Variants in MYO1D observed in about 807,000 individuals in gnomAD.
The protein encoded by MYO1D is myosin ID.
MYO1D carries 83 observed loss-of-function variants against 122.0 expected under a neutral mutation model. The observed-to-expected ratio is 0.68, with a 90% CI of 0.57 to 0.82. MYO1D has a LOEUF of 0.82. MYO1D is among the 40% of genes least tolerant of loss of function. The pLI is 0.00. For synonymous variants in MYO1D, 464 were observed against 446.9 expected (o/e 1.04, Z -0.48); for missense variants, 1,157 against 1,269.5 (o/e 0.91, Z 1.35).
chr17:32,548,865 C>T (rs2086987400), intron 21 of MYO1D, among the ~76,000 whole-genome samples: 1 of 151,928 alleles, frequency 6.6e-6, no homozygotes, highest in East Asian at 1.9e-4. Flanking sequence ...AGGTGTGCAC[C>T]ACCGCGCCTA....
At chr17:32,711,662 G>T (rs1408393000) in intron 16 of MYO1D, among the ~76,000 whole-genome samples, 1 of 151,958 alleles carries the variant, frequency 6.6e-6, no homozygotes, top group Non-Finnish European at 1.5e-5. Flanking sequence ...GAAAAAAAAA[G>T]TCCTTTATGC....
chr17:32,782,934 TA>T (rs5819996), intron 1 of MYO1D, among the ~76,000 whole-genome samples: 55 of 147,140 alleles, frequency 3.7e-4, no homozygotes, highest in South Asian at 6.5e-4. Context: ...GACTCCATCT[TA>T]AAAAAAAAAA....
intron 16 of MYO1D, among the ~76,000 whole-genome samples, chr17:32,677,035 C>T (rs1344541078): frequency 6.6e-6 from 1 of 152,094 alleles, no homozygotes; most frequent in Non-Finnish European, 1.5e-5. Context: ...TGGTCTTGAT[C>T]TCCTGACTTC....
chr17:32,563,204 CTCT>C (rs1354920854), intron 21 of MYO1D, among the ~76,000 whole-genome samples: 5 of 105,134 alleles, frequency 4.8e-5, no homozygotes, highest in Admixed American at 1.0e-4. Flanking sequence ...TTTTTCTTCT[CTCT>C]TTTTTTTTTT....
chr17:32,548,448 A>G (rs225201), intron 21 of MYO1D, among the ~76,000 whole-genome samples: 100,019 of 150,058 alleles, frequency 0.67, 34,317 homozygotes, highest in African/African-American at 0.83. Context: ...AAAAAAGTTT[A>G]TCCTCTAGGA....
chr17:32,665,195 T>A (rs933421993), intron 16 of MYO1D, among the ~76,000 whole-genome samples: 3 of 152,096 alleles, frequency 2.0e-5, no homozygotes, highest in African/African-American at 7.2e-5. Context: ...TCAACTTGTC[T>A]CCACCTCCCC....
At chr17:32,552,979 A>G (rs2087031858) in intron 21 of MYO1D, among the ~76,000 whole-genome samples, 1 of 151,774 alleles carries the variant, frequency 6.6e-6, no homozygotes, top group African/African-American at 2.4e-5. Context: ...ACTCACGCCC[A>G]TAATCCCAGC....
intron 21 of MYO1D, among the ~76,000 whole-genome samples, chr17:32,541,785 C>A (rs1447937647): frequency 1.3e-5 from 2 of 152,150 alleles, no homozygotes; most frequent in African/African-American, 4.8e-5. Flanking sequence ...TAGGACTAGG[C>A]CCCTGCCTAT....
intron 16 of MYO1D, among the ~76,000 whole-genome samples, chr17:32,677,903 C>CTT (rs1216987807): frequency 6.6e-6 from 1 of 152,056 alleles, no homozygotes; most frequent in East Asian, 1.9e-4. Context: ...TCTCAACTGG[C>CTT]TTATGATCAA....
intron 16 of MYO1D, among the ~76,000 whole-genome samples, chr17:32,701,936 T>A (rs2089253479): frequency 6.6e-6 from 1 of 152,226 alleles, no homozygotes; most frequent in Non-Finnish European, 1.5e-5. Context: ...CAAATGTATC[T>A]ATGTCAACCA....
At chr17:32,733,170 G>A (rs866319795) in intron 14 of MYO1D, among the ~76,000 whole-genome samples, 13 of 152,310 alleles carry the variant, frequency 8.5e-5, no homozygotes, top group Middle Eastern at 6.8e-3. Context: ...TGCAGCCTGC[G>A]AGGCTGAGTA....
chr17:32,655,495 C>G (rs1207079266), intron 17 of MYO1D, among the ~76,000 whole-genome samples: 1 of 152,042 alleles, frequency 6.6e-6, no homozygotes, highest in Non-Finnish European at 1.5e-5. Context: ...TGGGCAGGCA[C>G]CACTGATAAG....
intron 16 of MYO1D, among the ~76,000 whole-genome samples, chr17:32,675,978 C>T (rs1246055130): frequency 6.6e-6 from 1 of 152,134 alleles, no homozygotes; most frequent in Non-Finnish European, 1.5e-5. Flanking sequence ...TGATGTGATT[C>T]TAAGCATCCT....
intron 10 of MYO1D, chr17:32,759,866 T>G: frequency 2.3e-6 from 1 of 433,888 alleles, no homozygotes; most frequent in Non-Finnish European, 4.1e-6. Context: ...TAAACAACAT[T>G]AACTGAAGAC....
intron 21 of MYO1D, chr17:32,497,995 G>A: frequency 6.6e-6 from 1 of 152,484 alleles, no homozygotes. Flanking sequence ...TGGCTTTCCG[G>A]CATTCCACAC....
chr17:32,556,853 T>C (rs1002885870), intron 21 of MYO1D, among the ~76,000 whole-genome samples: 1 of 152,182 alleles, frequency 6.6e-6, no homozygotes, highest in African/African-American at 2.4e-5. Flanking sequence ...AGAAAATGAT[T>C]TGTGCTAAAC....
chr17:32,670,155 C>T (rs537276794), intron 16 of MYO1D, among the ~76,000 whole-genome samples: 2 of 152,146 alleles, frequency 1.3e-5, no homozygotes, highest in East Asian at 3.9e-4. Context: ...ATTGGCCTCC[C>T]AAAGTGCTGT....
At chr17:32,609,888 C>A (rs1354271009) in intron 20 of MYO1D, among the ~76,000 whole-genome samples, 1 of 152,104 alleles carries the variant, frequency 6.6e-6, no homozygotes, top group African/African-American at 2.4e-5. Context: ...CTTACATGTA[C>A]TGGATCCAGA....
chr17:32,560,528 CATATATATATATATATATATATAT>C (rs56214129), intron 21 of MYO1D, among the ~76,000 whole-genome samples: 1,017 of 65,450 alleles, frequency 0.016, 116 homozygotes, highest in African/African-American at 0.043. Context: ...CCAGAGACAA[CATATATATATATATATATATATAT>C]ATATATATAT....
Sources: gnomAD v4.1 joint callset for allele counts (sites outside exome capture counted in the v4.1 genomes callset) on GRCh38, gnomAD v4.1.1 for gene constraint, MANE v1.5 for transcripts, NCBI Gene and HGNC (gene_info 2026-07-23, HGNC 2026-07-21) for gene names.